PM20D2: variants seen among roughly 807,000 people sequenced by gnomAD.
PM20D2 encodes peptidase M20 domain containing 2, also known as xaa-Arg dipeptidase.
PM20D2 carries 33 observed loss-of-function variants against 42.9 expected under a neutral mutation model. The ratio of observed to expected loss-of-function variants is 0.77; its 90% CI spans 0.58 to 1.03. The LOEUF (loss-of-function observed/expected upper bound fraction) is 1.03, where lower values mean the gene tolerates loss of function less well. Ranked by LOEUF, PM20D2 falls within the 50% of genes least tolerant of loss-of-function variation. The probability of loss-of-function intolerance (pLI) is 0.00; values close to 1 mark genes in which losing one functional copy is unlikely to be tolerated. For synonymous variants in PM20D2, 250 were observed against 228.2 expected (o/e 1.10, Z -0.86); for missense variants, 548 against 557.0 (o/e 0.98, Z 0.16).
At chr6:89,110,757 T>C in the PM20D2 span, among the ~76,000 whole-genome samples, 1 of 152,150 alleles carries the variant, frequency 6.6e-6, no homozygotes, top group Non-Finnish European at 1.5e-5. Context: ...TATGCCTACC[T>C]TAGCTTCACT....
the PM20D2 span, among the ~76,000 whole-genome samples, chr6:89,109,690 C>T: frequency 2.6e-5 from 4 of 152,194 alleles, no homozygotes; most frequent in East Asian, 7.7e-4. Flanking sequence ...TCACTGTCTC[C>T]ACTCCCTCAC....
At chr6:89,111,993 A>C in the PM20D2 span, among the ~76,000 whole-genome samples, 2 of 152,234 alleles carry the variant, frequency 1.3e-5, no homozygotes, top group Non-Finnish European at 2.9e-5. Context: ...CAGTGAAAAG[A>C]AACATAACAC....
chr6:89,099,415 CAT>C, the PM20D2 span, among the ~76,000 whole-genome samples: 208 of 140,436 alleles, frequency 1.5e-3, 7 homozygotes, highest in African/African-American at 5.5e-3. Flanking sequence ...TATATATATA[CAT>C]ATATATATGT....
At chr6:89,099,424 ATG>A in the PM20D2 span, among the ~76,000 whole-genome samples, 366 of 138,862 alleles carry the variant, frequency 2.6e-3, 3 homozygotes, top group African/African-American at 9.0e-3. Context: ...ACATATATAT[ATG>A]TGTGTATATA....
At chr6:89,133,186 G>A in the PM20D2 span, among the ~76,000 whole-genome samples, 1 of 150,532 alleles carries the variant, frequency 6.6e-6, no homozygotes, top group South Asian at 2.1e-4. Flanking sequence ...CTATCATCAT[G>A]CCACTGCACT....
At chr6:89,143,328 T>A (rs906760913), upstream of PM20D2, among the ~76,000 whole-genome samples, 1 of 152,214 alleles carries the variant, frequency 6.6e-6, no homozygotes, top group African/African-American at 2.4e-5. Flanking sequence ...GATCTACTCT[T>A]TCCACCACAG....
chr6:89,140,554 A>G, the PM20D2 span, among the ~76,000 whole-genome samples: 2 of 152,216 alleles, frequency 1.3e-5, no homozygotes, highest in African/African-American at 2.4e-5. Flanking sequence ...GATGTTGTAT[A>G]GAGGACCAGG....
intron 1 of PM20D2, 99 bp downstream of exon 1, chr6:89,146,708 C>T: frequency 9.8e-7 from 1 of 1,024,964 alleles, no homozygotes. Context: ...CCTCGGTGCC[C>T]TCCCGCCCGG....
the PM20D2 span, among the ~76,000 whole-genome samples, chr6:89,100,943 A>G: frequency 1.6e-3 from 244 of 152,214 alleles, no homozygotes; most frequent in African/African-American, 5.7e-3. Context: ...CATCTCTACT[A>G]AAAATACAAA....
upstream of PM20D2, among the ~76,000 whole-genome samples, chr6:89,141,058 A>G (rs897402153): frequency 1.3e-5 from 2 of 152,104 alleles, no homozygotes; most frequent in African/African-American, 4.8e-5. Flanking sequence ...CATACTAGCT[A>G]TGTAGAAATG....
At chr6:89,132,551 G>A in the PM20D2 span, among the ~76,000 whole-genome samples, 1 of 151,320 alleles carries the variant, frequency 6.6e-6, no homozygotes, top group South Asian at 2.1e-4. Context: ...CTAAGATCAA[G>A]AAACTAAAGA....
rs1771345781 is a variant in PM20D2 at position 89,164,519 on chromosome 6, T to C, written c.*2256T>C. 1 of 152,646 alleles carries C rather than the reference T, an allele frequency of 6.6e-6. No homozygotes were observed. Among genetic ancestry groups the C allele is most frequent in the African/African-American group, 2.4e-5 (1 of 41,464 alleles). 9.5% of individuals were successfully genotyped at this position (152,646 alleles called of 1,614,324 possible). A position where few individuals can be genotyped will look rare whatever the true frequency, so the allele number is the denominator to read the frequency against. ...GTTTTTTGATCATTAAATCAAATTT[T>C]GTAAACAGTGGCAGGAGCGTGGACT... On this transcript the variant is annotated 3_prime_UTR_variant, in exon 7 of 7. Coordinates refer to ENST00000275072, the MANE Select transcript of PM20D2 (RefSeq NM_001010853.3).
At chr6:89,145,910 G>A (rs1770514697), upstream of PM20D2, 3 of 390,788 alleles carry the variant, frequency 7.7e-6, no homozygotes, top group South Asian at 2.2e-4. Flanking sequence ...CTTCTCCACA[G>A]CACCCCCAAA....
the PM20D2 span, among the ~76,000 whole-genome samples, chr6:89,115,036 T>C: frequency 6.6e-6 from 1 of 152,180 alleles, no homozygotes; most frequent in African/African-American, 2.4e-5. Context: ...AATTTCGTGA[T>C]CTGCCCACCT....
chr6:89,129,284 A>G, the PM20D2 span, among the ~76,000 whole-genome samples: 1 of 152,180 alleles, frequency 6.6e-6, no homozygotes, highest in Non-Finnish European at 1.5e-5. Flanking sequence ...ATAGCATTCT[A>G]CACAGAATGA....
the PM20D2 span, chr6:89,106,720 T>C: frequency 7.0e-6 from 2 of 287,622 alleles, no homozygotes; most frequent in African/African-American, 4.3e-5. Context: ...CTTTACTCTT[T>C]AAGGCTTGCA....
rs900889393 is a variant in PM20D2, at chr6:89,164,735, T to A, written c.*2472T>A. ...CTGAAAGAAAACAAGACAAAATGTC[T>A]ATGGTAGGGAATAAAAGAGTTTAAG... On this transcript the variant is annotated 3_prime_UTR_variant, in exon 7 of 7. Coordinates refer to ENST00000275072, the MANE Select transcript of PM20D2 (RefSeq NM_001010853.3). The A allele has an allele frequency of 6.6e-6, 1 of 152,282 alleles. No homozygotes were observed. Among genetic ancestry groups the A allele is most frequent in the Non-Finnish European group, 1.5e-5 (1 of 67,972 alleles). The allele number at this position is 152,282 out of a possible 1,614,324, so 9.4% of individuals were successfully genotyped here.
the PM20D2 span, among the ~76,000 whole-genome samples, chr6:89,118,711 C>CGTCTT: frequency 1.6e-4 from 24 of 152,280 alleles, no homozygotes; most frequent in Non-Finnish European, 2.5e-4. Flanking sequence ...GTTTATTGAG[C>CGTCTT]GTCTACTATG....
At chr6:89,109,194 C>A in the PM20D2 span, among the ~76,000 whole-genome samples, 193 of 152,220 alleles carry the variant, frequency 1.3e-3, no homozygotes, top group African/African-American at 4.4e-3. Flanking sequence ...GCACCCCAAC[C>A]CGATGCATTA....
Sources: gnomAD v4.1 joint callset for allele counts (sites outside exome capture counted in the v4.1 genomes callset) on GRCh38, gnomAD v4.1.1 for gene constraint, MANE v1.5 for transcripts, NCBI Gene and HGNC (gene_info 2026-07-23, HGNC 2026-07-21) for gene names.